Variants in EPS15L1 observed in about 807,000 individuals in gnomAD.
The protein encoded by EPS15L1 is epidermal growth factor receptor substrate 15-like 1.
Under a neutral mutation model 117.1 loss-of-function variants are expected in EPS15L1, and 43 were observed. The ratio of observed to expected loss-of-function variants is 0.37; its 90% CI spans 0.29 to 0.47. EPS15L1 has a LOEUF of 0.47. Among genes scored for constraint, EPS15L1 ranks in the 20% least tolerant of loss-of-function variants. EPS15L1 has a pLI of 0.99. For synonymous variants in EPS15L1, 459 were observed against 470.5 expected (o/e 0.98, Z 0.32); for missense variants, 981 against 1,164.0 (o/e 0.84, Z 2.29).
chr19:16,411,535 G>A (rs1438824089), intron 13 of EPS15L1, among the ~76,000 whole-genome samples: 1 of 152,122 alleles, frequency 6.6e-6, no homozygotes, highest in Admixed American at 6.6e-5. Flanking sequence ...GTGATTATGC[G>A]AAACACCACT....
intron 1 of EPS15L1, among the ~76,000 whole-genome samples, chr19:16,453,281 T>C (rs1313830819): frequency 6.6e-6 from 1 of 152,156 alleles, no homozygotes; most frequent in Non-Finnish European, 1.5e-5. Flanking sequence ...TATTTTTTAT[T>C]TTTTGTAGAG....
intron 9 of EPS15L1, among the ~76,000 whole-genome samples, chr19:16,422,930 C>T (rs2092831569): frequency 6.8e-6 from 1 of 147,560 alleles, no homozygotes; most frequent in East Asian, 2.0e-4. Flanking sequence ...TGCACTCCAG[C>T]CTGGGCGACA....
At chr19:16,394,194 G>A (rs2092515064) in intron 17 of EPS15L1, among the ~76,000 whole-genome samples, 193 bp from the exon 18 acceptor site, 2 of 152,194 alleles carry the variant, frequency 1.3e-5, no homozygotes, top group African/African-American at 4.8e-5. Flanking sequence ...GGACCTGGAG[G>A]AGGCAGCTGT....
chr19:16,429,260 C>T (rs578154245), intron 7 of EPS15L1, among the ~76,000 whole-genome samples: 7 of 152,278 alleles, frequency 4.6e-5, no homozygotes, highest in East Asian at 1.9e-4. Context: ...CCACTCAGTG[C>T]GCTGAAGAGA....
rs990851288 is a variant in EPS15L1 at position 16,381,292 on chromosome 19, C to T, written c.2247+3837G>A. 6.6e-6 allele frequency among the ~76,000 whole-genome samples: 1 copy of T among 152,384 alleles called. No individual in the cohort carries two copies. The highest frequency in any genetic ancestry group is 1.5e-5 in the Non-Finnish European group (1 of 68,038). Reference sequence around the variant, plus strand: ...GGCGCAGCCTGCCCACATCACACAGCAGGTCCACGGCGGATCCAGGGCTGC... The same window carrying T: ...GGCGCAGCCTGCCCACATCACACAGTAGGTCCACGGCGGATCCAGGGCTGC... On this transcript the variant is annotated intron_variant, in intron 21 of 23. Coordinates refer to ENST00000455140, the MANE Select transcript of EPS15L1 (RefSeq NM_001258374.3). This position sits in a 1 kb window ranked among gnomAD's most constrained non-coding sequence, Gnocchi z 4.2.
chr19:16,360,484 A>G (rs1357929604), intron 23 of EPS15L1, among the ~76,000 whole-genome samples: 1 of 152,130 alleles, frequency 6.6e-6, no homozygotes, highest in Non-Finnish European at 1.5e-5. Flanking sequence ...CACATGGGCC[A>G]GTCACGTGTA....
At chr19:16,399,496 C>A (rs1046775078) in intron 16 of EPS15L1, among the ~76,000 whole-genome samples, 2 of 152,166 alleles carry the variant, frequency 1.3e-5, no homozygotes, top group African/African-American at 4.8e-5. Flanking sequence ...GCTGAAGAAG[C>A]TTCTGTGACA....
chr19:16,392,195 C>G, intron 19 of EPS15L1, 109 bp downstream of exon 19: 1 of 1,265,710 alleles, frequency 7.9e-7, no homozygotes, highest in Non-Finnish European at 1.1e-6. Context: ...GGCCCACACT[C>G]GCAGGCACCA....
At chr19:16,400,697 G>A (rs2092591953) in intron 16 of EPS15L1, 1 of 985,336 alleles carries the variant, frequency 1.0e-6, no homozygotes, top group Admixed American at 6.2e-5. Flanking sequence ...CCAGTTGCAA[G>A]TTTCCATGTA....
At chr19:16,390,135 A>G (rs936182889) in intron 19 of EPS15L1, among the ~76,000 whole-genome samples, 2 of 152,174 alleles carry the variant, frequency 1.3e-5, no homozygotes, top group Non-Finnish European at 2.9e-5. Context: ...TACAAAAGAC[A>G]CCTATCAGTT....
intron 22 of EPS15L1, among the ~76,000 whole-genome samples, chr19:16,367,245 G>A (rs947450355): frequency 8.6e-5 from 13 of 151,414 alleles, no homozygotes; most frequent in African/African-American, 2.2e-4. Context: ...GGGAACTACC[G>A]GGGACCACAG....
chr19:16,401,348 G>C, intron 16 of EPS15L1: 1 of 985,452 alleles, frequency 1.0e-6, no homozygotes, highest in Non-Finnish European at 1.2e-6. Flanking sequence ...TGAACATAAA[G>C]AGGCAAGTGT....
In EPS15L1 at chr19:16,417,657, C is replaced by T. The variant is rs574155177; in HGVS notation, c.1108-20G>A. 7.9e-5 allele frequency: 127 copies of T among 1,608,160 alleles called. 2 individuals are homozygous for T. The South Asian group carries it at 1.3e-3, about 16-fold the overall frequency. Reference sequence around the variant, plus strand: ...ACTGTCCTAGAATTGAATTCAGAGGCGAGATCTCTAATTAGCAACCTGACA... The same window carrying T: ...ACTGTCCTAGAATTGAATTCAGAGGTGAGATCTCTAATTAGCAACCTGACA... On this transcript the variant is annotated intron_variant, in intron 11 of 23. Coordinates refer to ENST00000455140, the MANE Select transcript of EPS15L1 (RefSeq NM_001258374.3).
rs145127797 is a variant in EPS15L1 at position 16,405,299 on chromosome 19, TG to T, written c.1267-551del. Among the ~76,000 whole-genome samples, 39 of 152,006 alleles carry T rather than the reference TG, an allele frequency of 2.6e-4. No individual in the cohort carries two copies. The East Asian group carries it at 6.0e-3, about 23-fold the overall frequency. Reference sequence around the variant, plus strand: ...GCACTCCAGCTAGAGCAAAAGGGAATGGGTGGAGGCATCAGAGGCTGCACCC... The same window carrying T: ...GCACTCCAGCTAGAGCAAAAGGGAATGGTGGAGGCATCAGAGGCTGCACCC... On this transcript the variant is annotated intron_variant, in intron 13 of 23. Transcript: ENST00000455140. This position sits in a 1 kb window ranked among gnomAD's most constrained non-coding sequence, Gnocchi z 4.0.
chr19:16,417,910 G>T lies in EPS15L1; in HGVS notation c.1107+38C>A, dbSNP rs760058634. ...CACCTGGTGGCAGGCGGTGGGAAGGGATGTCAATACCCCCAGGGCATGACC... is the reference window on the plus strand; with the variant it reads ...CACCTGGTGGCAGGCGGTGGGAAGGTATGTCAATACCCCCAGGGCATGACC... On this transcript the variant is annotated intron_variant, in intron 11 of 23. Coordinates refer to ENST00000455140, the MANE Select transcript of EPS15L1 (RefSeq NM_001258374.3). 1.9e-6 allele frequency: 3 copies of T among 1,587,126 alleles called. No homozygotes were observed. In the Admixed American group the frequency reaches 5.3e-5, roughly 28 times the overall value.
chr19:16,377,369 G>C (rs1052702548), intron 21 of EPS15L1, 115 bp from the exon 22 acceptor site: 19 of 1,201,462 alleles, frequency 1.6e-5, no homozygotes, highest in Non-Finnish European at 1.5e-5. Context: ...CTACCCTCTG[G>C]ACTGCACAAC....
At chr19:16,392,223 G>A in intron 19 of EPS15L1, 81 bp downstream of exon 19, 1 of 1,526,146 alleles carries the variant, frequency 6.6e-7, no homozygotes, top group Non-Finnish European at 9.0e-7. Context: ...TCCACGAAGG[G>A]AAGGGGGCCT....
At chr19:16,428,848 G>A (rs945651660) in intron 7 of EPS15L1, 87 bp from the exon 8 acceptor site, 42 of 1,063,116 alleles carry the variant, frequency 4.0e-5, no homozygotes, top group East Asian at 2.2e-4. Flanking sequence ...ACTCTCAGCC[G>A]TGGCACTCAC....
In EPS15L1 at chr19:16,404,077, C is replaced by T. The variant is rs765165899; in HGVS notation, c.1429-147G>A. On this transcript the variant is annotated intron_variant, in intron 14 of 23. Transcript: ENST00000455140. This position sits in a 1 kb window ranked among gnomAD's most constrained non-coding sequence, Gnocchi z 4.2. ...CCAGGCCCGACACCTGGCTTCCTTA[C>T]AGGCCTCTTTCTACACCCAAAATAG... 1.4e-6 allele frequency: 1 copy of T among 705,902 alleles called. No homozygotes were observed. Among genetic ancestry groups the T allele is most frequent in the Non-Finnish European group, 2.4e-6 (1 of 422,318 alleles). 43.7% of individuals were successfully genotyped at this position (705,902 alleles called of 1,614,324 possible).
Sources: gnomAD v4.1 joint callset for allele counts (sites outside exome capture counted in the v4.1 genomes callset) on GRCh38, gnomAD v4.1.1 for gene constraint, Gnocchi (gnomAD v3.1) non-coding constraint, MANE v1.5 for transcripts, NCBI Gene and HGNC (gene_info 2026-07-23, HGNC 2026-07-21) for gene names.